Variants in DMD observed in about 807,000 individuals in gnomAD.
DMD encodes mutant dystrophin.
In DMD, 63 loss-of-function variants were observed where a neutral mutation model predicts 330.1. The ratio of observed to expected loss-of-function variants is 0.19; its 90% CI spans 0.16 to 0.24. The LOEUF (loss-of-function observed/expected upper bound fraction) is 0.24, where lower values mean the gene tolerates loss of function less well. DMD is among the 10% of genes least tolerant of loss of function. DMD has a pLI of 1.00. For synonymous variants in DMD, 1,223 were observed against 959.8 expected, an observed-to-expected ratio of 1.27 and a Z score of -5.07; for missense variants, 3,344 against 2,684.1, an observed-to-expected ratio of 1.25 and a Z score of -5.43.
chrX:31,395,275 G>C (rs1350178889), intron 60 of DMD, among the ~76,000 whole-genome samples: 2 of 112,309 alleles, frequency 1.8e-5, no homozygotes, highest in African/African-American at 6.5e-5. Context: ...AGATGCATGT[G>C]TTCCTGCTTT....
At chrX:32,897,673 A>AT (rs775589392) in intron 2 of DMD, among the ~76,000 whole-genome samples, 1 of 112,167 alleles carries the variant, frequency 8.9e-6, no homozygotes, top group African/African-American at 3.2e-5. Context: ...TTTTGTATTC[A>AT]TTTTTTCCAT....
chrX:32,667,785 T>TTTTTTTC (rs1246563527), intron 9 of DMD, among the ~76,000 whole-genome samples: 1 of 96,253 alleles, frequency 1.0e-5, no homozygotes, highest in African/African-American at 3.6e-5. Flanking sequence ...TTTTTTTTTT[T>TTTTTTTC]CCAGTTTTCT....
At chrX:31,554,057 G>C (rs2074654848) in intron 55 of DMD, among the ~76,000 whole-genome samples, 1 of 112,275 alleles carries the variant, frequency 8.9e-6, no homozygotes, top group African/African-American at 3.2e-5. Context: ...TGTCAAGATG[G>C]GATCAGAATG....
chrX:33,266,160 A>T (rs1312864265), intron 1 of DMD, among the ~76,000 whole-genome samples: 1 of 111,533 alleles, frequency 9.0e-6, no homozygotes, highest in Non-Finnish European at 1.9e-5. Context: ...ATTTGAAGCA[A>T]ACTTTCCTCT....
chrX:32,702,721 TACA>T (rs2064245305), intron 7 of DMD, among the ~76,000 whole-genome samples: 1 of 111,268 alleles, frequency 9.0e-6, no homozygotes, highest in Non-Finnish European at 1.9e-5. Flanking sequence ...AGATCTAAGG[TACA>T]ACTGTGTACG....
At chrX:32,395,401 A>G (rs2098036716) in intron 30 of DMD, among the ~76,000 whole-genome samples, 1 of 83,606 alleles carries the variant, frequency 1.2e-5, no homozygotes, top group Admixed American at 1.5e-4. Flanking sequence ...AAAAACTAAC[A>G]TCACACACCA....
chrX:31,996,751 G>A (rs1424102743), intron 44 of DMD, among the ~76,000 whole-genome samples: 1 of 110,674 alleles, frequency 9.0e-6, no homozygotes, highest in Admixed American at 9.7e-5. Flanking sequence ...GCATATAACC[G>A]GTCCAAAACA....
chrX:31,307,811 C>T (rs1469058363), intron 62 of DMD, among the ~76,000 whole-genome samples: 1 of 111,616 alleles, frequency 9.0e-6, no homozygotes, highest in Admixed American at 9.5e-5. Flanking sequence ...CAATGTATGT[C>T]TTAGGATTTA....
intron 67 of DMD, among the ~76,000 whole-genome samples, chrX:31,196,806 C>T (rs921932165): frequency 8.1e-4 from 59 of 72,723 alleles, no homozygotes; most frequent in Non-Finnish European, 1.2e-3. Flanking sequence ...GGCAACAGAG[C>T]GAGACTCTGT....
intron 60 of DMD, among the ~76,000 whole-genome samples, chrX:31,397,399 C>T (rs1437680934): frequency 8.9e-6 from 1 of 112,009 alleles, no homozygotes; most frequent in Non-Finnish European, 1.9e-5. Context: ...GAGGAACAAG[C>T]TTTCAATTTC....
intron 55 of DMD, among the ~76,000 whole-genome samples, chrX:31,522,363 C>CTATATATATATATATATATATA (rs1556678891): frequency 7.2e-4 from 26 of 35,954 alleles, no homozygotes; most frequent in African/African-American, 1.3e-3. Context: ...CTCTCTCTCT[C>CTATATATATATATATATATATA]TATATATATA....
At chrX:31,833,338 G>C (rs777995672) in intron 49 of DMD, among the ~76,000 whole-genome samples, 1 of 35,642 alleles carries the variant, frequency 2.8e-5, no homozygotes, top group South Asian at 1.3e-3. Flanking sequence ...GAGAGGGAGA[G>C]AGTGGAGAGG....
Position 31,418,992 on chromosome X carries a change from C to T in DMD, c.9084+25489G>A, listed in dbSNP as rs774800320. 2.7e-5 allele frequency among the ~76,000 whole-genome samples: 3 copies of T among 109,698 alleles called. No homozygotes were observed. In the East Asian group the frequency reaches 8.6e-4, roughly 32 times the overall value. Reference sequence around the variant, plus strand: ...GAGAGTCTCACTCTGTGGCCCAGGCCGGAGTGCAGTGGCATGATCTCAGCT... The same window carrying T: ...GAGAGTCTCACTCTGTGGCCCAGGCTGGAGTGCAGTGGCATGATCTCAGCT... On this transcript the variant is annotated intron_variant, in intron 60 of 78. Transcript: ENST00000357033.
intron 2 of DMD, among the ~76,000 whole-genome samples, chrX:32,969,035 A>AAAAAAAAAAAAAAAAAAAAAAAAAAAAAC (rs2092284678): frequency 1.2e-5 from 1 of 86,597 alleles, no homozygotes; most frequent in Non-Finnish European, 2.2e-5. Flanking sequence ...CTCAAAAAAA[A>AAAAAAAAAAAAAAAAAAAAAAAAAAAAAC]AAAAAAAAAA....
intron 2 of DMD, among the ~76,000 whole-genome samples, chrX:32,862,303 G>A (rs1043616629): frequency 2.7e-5 from 3 of 112,034 alleles, no homozygotes; most frequent in African/African-American, 9.7e-5. Context: ...AACCCAATAT[G>A]TATGTTACTC....
At position 33,188,234 on chromosome X, in the gene DMD, A is replaced by ATCTCTCTCTCTCTC. The variant is rs745634940; in HGVS notation, c.31+23034_31+23047dup. ...ACCAAATACCAGTTTTCCTTTAACC[A>ATCTCTCTCTCTCTC]TCTCTCTCTCTCTCTCTCTCTCTGT... On this transcript the variant is annotated intron_variant, in intron 1 of 78. Coordinates refer to ENST00000357033, the MANE Select transcript of DMD (RefSeq NM_004006.3). Among the ~76,000 whole-genome samples the ATCTCTCTCTCTCTC allele has an allele frequency of 3.4e-4, 36 of 104,521 alleles. 1 individual carries two copies. The South Asian group carries it at 3.8e-3, about 11-fold the overall frequency. 90.8% of individuals were successfully genotyped at this position (104,521 alleles called of 115,157 possible). A position where few individuals can be genotyped will look rare whatever the true frequency, so the allele number is the denominator to read the frequency against.
At chrX:31,743,215 G>A (rs1189605329) in intron 51 of DMD, among the ~76,000 whole-genome samples, 1 of 112,474 alleles carries the variant, frequency 8.9e-6, no homozygotes, top group African/African-American at 3.2e-5. Flanking sequence ...TGCTGACGCT[G>A]TAGAGAAGAG....
chrX:32,849,808 G>A lies in DMD; in HGVS notation c.106C>T (p.His36Tyr). 1 of 1,197,770 alleles carries A rather than the reference G, an allele frequency of 8.3e-7. No homozygotes were observed. Among genetic ancestry groups the A allele is most frequent in the African/African-American group, 1.8e-5 (1 of 57,069 alleles). ...AGGTCACTGAAGAGGTTCTCAATAT[G>A]CTGCTTCCCAAACTGAAATTAAAAA... ...NAQFSKFGKQ[H>Y]IENLFSDLQD... Residue 36 changes from histidine to tyrosine, a missense_variant, in exon 3 of 79, where the codon CAT (histidine) becomes TAT (tyrosine). Transcript: ENST00000357033.
intron 1 of DMD, among the ~76,000 whole-genome samples, chrX:33,220,872 A>C (rs2148873697): frequency 8.9e-6 from 1 of 112,047 alleles, no homozygotes; most frequent in Non-Finnish European, 1.9e-5. Context: ...ATTAAGAATT[A>C]ATTGCTATTT....
Sources: allele counts gnomAD v4.1 joint callset (sites outside exome capture counted in the v4.1 genomes callset), GRCh38; gene constraint gnomAD v4.1.1; transcripts MANE v1.5; gene names NCBI Gene and HGNC (gene_info 2026-07-23, HGNC 2026-07-21).